Variants in SND1 observed in about 807,000 individuals in gnomAD.
SND1 encodes staphylococcal nuclease domain-containing protein 1.
A neutral mutation model predicts 121.7 loss-of-function variants in SND1; 38 were observed. That is an observed-to-expected ratio of 0.31 (90% CI 0.24 to 0.41). SND1 has a LOEUF of 0.41. SND1 is among the 10% of genes least tolerant of loss of function. SND1 has a pLI of 1.00. For missense variants in SND1, 868 were observed against 1,184.6 expected (o/e 0.73, Z 3.92); for synonymous variants, 401 against 447.4 (o/e 0.90, Z 1.31).
intron 15 of SND1, among the ~76,000 whole-genome samples, chr7:127,964,470 T>G (rs1015338318): frequency 6.6e-6 from 1 of 150,784 alleles, no homozygotes; most frequent in African/African-American, 2.4e-5. Flanking sequence ...GCTTTCTACA[T>G]ATGGCTAGCC....
At chr7:127,691,375 T>G (rs777352891) in intron 2 of SND1, among the ~76,000 whole-genome samples, 1 of 151,692 alleles carries the variant, frequency 6.6e-6, no homozygotes, top group Non-Finnish European at 1.5e-5. Context: ...ACCTTGTCTC[T>G]ACTAAAAATA....
intron 15 of SND1, among the ~76,000 whole-genome samples, chr7:127,969,720 T>A (rs1471145676): frequency 1.3e-5 from 2 of 152,096 alleles, no homozygotes; most frequent in Non-Finnish European, 2.9e-5. Flanking sequence ...AGAGCAAGAC[T>A]CCGTCTCAAA....
Position 127,961,724 on chromosome 7 carries a change from G to A in SND1, c.1670-29223G>A, listed in dbSNP as rs17151581. Reference sequence around the variant, plus strand: ...AGAAAGATTGCCTGAGTTGGAACAAGCTTTTCTACCATTTCCTATGTGTCC... The same window carrying A: ...AGAAAGATTGCCTGAGTTGGAACAAACTTTTCTACCATTTCCTATGTGTCC... On this transcript the variant is annotated intron_variant, in intron 15 of 23. Transcript: ENST00000354725. Among the ~76,000 whole-genome samples the A allele has an allele frequency of 8.0e-3, 1,217 of 152,300 alleles. 7 individuals are homozygous for A. The highest frequency in any genetic ancestry group is 0.017 in the Middle Eastern group (5 of 294).
intron 15 of SND1, among the ~76,000 whole-genome samples, chr7:127,932,402 A>G (rs1584676211): frequency 2.6e-5 from 4 of 152,252 alleles, no homozygotes; most frequent in Admixed American, 2.0e-4. Context: ...ATTTGAACAG[A>G]TGAAGAGTTG....
intron 16 of SND1, chr7:128,007,989 A>C (rs1264305381): frequency 6.6e-6 from 1 of 152,250 alleles, no homozygotes; most frequent in East Asian, 1.9e-4. Context: ...TGGTAGAGCC[A>C]GTCTCCACAT....
intron 16 of SND1, among the ~76,000 whole-genome samples, chr7:128,020,407 A>G (rs917294538): frequency 3.9e-5 from 6 of 152,182 alleles, no homozygotes; most frequent in African/African-American, 1.2e-4. Flanking sequence ...GCGCTCAGCA[A>G]TTGCGCTAGG....
chr7:127,922,175 C>CTTTTTTTTTTTTTTTGTTT (rs1800722065), intron 14 of SND1, among the ~76,000 whole-genome samples: 1 of 57,176 alleles, frequency 1.7e-5, no homozygotes, highest in African/African-American at 7.5e-5. Context: ...TTTTTCTTTC[C>CTTTTTTTTTTTTTTTGTTT]TTTTTTTTTT....
chr7:127,676,586 C>T (rs2116278374), intron 1 of SND1, among the ~76,000 whole-genome samples: 1 of 152,184 alleles, frequency 6.6e-6, no homozygotes, highest in East Asian at 1.9e-4. Context: ...CTACTTTCAC[C>T]CCAGAGGATA....
rs559113181 is a variant in SND1, at chr7:127,700,596, CAT to C, written c.429-565_429-564del. Among the ~76,000 whole-genome samples, 105 of 152,286 alleles carry C rather than the reference CAT, an allele frequency of 6.9e-4. 1 individual carries two copies. Among genetic ancestry groups the C allele is most frequent in the African/African-American group, 2.4e-3 (100 of 41,544 alleles). ...TACTGATATTTTGGCTGCTCTAGTA[CAT>C]AGTTTGGTTTCTTGCCTGATGAAGG... is the stretch of plus-strand genomic sequence containing the variant. On this transcript the variant is annotated intron_variant, in intron 4 of 23. Coordinates refer to ENST00000354725, the MANE Select transcript of SND1 (RefSeq NM_014390.4).
chr7:128,007,728 A>T (rs2116942848), intron 16 of SND1, among the ~76,000 whole-genome samples: 1 of 152,350 alleles, frequency 6.6e-6, no homozygotes, highest in South Asian at 2.1e-4. Context: ...AAATTTAGGA[A>T]TGGAAATCTA....
chr7:127,770,607 T>G (rs958393085), intron 10 of SND1, among the ~76,000 whole-genome samples: 4 of 152,182 alleles, frequency 2.6e-5, no homozygotes, highest in African/African-American at 9.6e-5. Context: ...AGTGGAGTCT[T>G]TGGGACTAGA....
intron 9 of SND1, chr7:127,718,768 C>T: frequency 1.0e-6 from 1 of 984,216 alleles, no homozygotes; most frequent in Non-Finnish European, 1.2e-6. Flanking sequence ...GGTGTGAGCA[C>T]TATGATACTT....
At chr7:127,672,331 A>G (rs1795533770) in intron 1 of SND1, among the ~76,000 whole-genome samples, 1 of 152,116 alleles carries the variant, frequency 6.6e-6, no homozygotes, top group Non-Finnish European at 1.5e-5. Flanking sequence ...TGGCAGGTGC[A>G]GTGGCTCATG....
chr7:127,995,617 A>C (rs552627388), intron 16 of SND1, among the ~76,000 whole-genome samples: 295 of 152,290 alleles, frequency 1.9e-3, no homozygotes, highest in Non-Finnish European at 3.5e-3. Context: ...ATCCCAAGCC[A>C]CCCTTTCCTT....
chr7:127,841,965 T>C (rs182967894), intron 11 of SND1, among the ~76,000 whole-genome samples: 1 of 152,320 alleles, frequency 6.6e-6, no homozygotes, highest in East Asian at 1.9e-4. Context: ...CAGCCCTTAA[T>C]TGGCTTGGGC....
At chr7:127,654,101 T>A (rs1444070404) in intron 1 of SND1, among the ~76,000 whole-genome samples, 1 of 152,214 alleles carries the variant, frequency 6.6e-6, no homozygotes, top group African/African-American at 2.4e-5. Context: ...AAGGTCTCTC[T>A]CATTTGTGGA....
At chr7:128,087,787 G>A (rs1236237849) in intron 21 of SND1, among the ~76,000 whole-genome samples, 1 of 152,146 alleles carries the variant, frequency 6.6e-6, no homozygotes, top group African/African-American at 2.4e-5. Context: ...AGGAAGTGCT[G>A]GGGTCCTGCC....
chr7:127,916,365 G>A (rs1800579992), intron 14 of SND1, among the ~76,000 whole-genome samples: 1 of 152,152 alleles, frequency 6.6e-6, no homozygotes, highest in African/African-American at 2.4e-5. Context: ...TCTGGTTGAT[G>A]GTGGTGCTCC....
At chr7:128,041,901 A>T (rs1477008157) in intron 16 of SND1, among the ~76,000 whole-genome samples, 3 of 152,158 alleles carry the variant, frequency 2.0e-5, no homozygotes, top group Non-Finnish European at 2.9e-5. Flanking sequence ...TGTTCTGGGG[A>T]ACCTTTCATC....
Sources: allele counts gnomAD v4.1 joint callset (sites outside exome capture counted in the v4.1 genomes callset), GRCh38; gene constraint gnomAD v4.1.1; transcripts MANE v1.5; gene names NCBI Gene and HGNC (gene_info 2026-07-23, HGNC 2026-07-21).